Variants in MEIS1 observed in about 807,000 individuals in gnomAD.
MEIS1 encodes Meis homeobox 1, also known as homeobox protein Meis1.
MEIS1 carries 5 observed loss-of-function variants against 50.8 expected under a neutral mutation model. The observed-to-expected ratio is 0.10, with a 90% CI of 0.05 to 0.21. The LOEUF (loss-of-function observed/expected upper bound fraction) is 0.21, where lower values mean the gene tolerates loss of function less well. Among genes scored for constraint, MEIS1 ranks in the 10% least tolerant of loss-of-function variants. The pLI, the probability that MEIS1 is intolerant of heterozygous loss-of-function variation, is 1.00. For missense variants in MEIS1, 318 were observed against 517.3 expected, an observed-to-expected ratio of 0.61 and a Z score of 3.74; for synonymous variants, 176 against 179.3, an observed-to-expected ratio of 0.98 and a Z score of 0.15.
At chr2:66,539,442 T>G (rs568928456) in intron 8 of MEIS1, among the ~76,000 whole-genome samples, 2 of 152,320 alleles carry the variant, frequency 1.3e-5, no homozygotes, top group East Asian at 3.9e-4. Context: ...TGGGATTTCT[T>G]CACCTATTAT....
intron 8 of MEIS1, among the ~76,000 whole-genome samples, chr2:66,526,322 G>A (rs893839202): frequency 1.3e-5 from 2 of 152,208 alleles, no homozygotes; most frequent in Non-Finnish European, 2.9e-5. Context: ...AAGGTCATAA[G>A]GAATCCAAAA....
intron 6 of MEIS1, among the ~76,000 whole-genome samples, chr2:66,456,742 G>C (rs1442068940): frequency 6.6e-6 from 1 of 152,258 alleles, no homozygotes. Context: ...GGTGGAGAAA[G>C]TGGATAAAGT....
At position 66,435,789 on chromosome 2, in the gene MEIS1, T is replaced by C; in HGVS notation, c.-68T>C. The C allele has an allele frequency of 7.8e-7, 1 of 1,277,070 alleles. No individual in the cohort carries two copies. Among genetic ancestry groups the C allele is most frequent in the East Asian group, 2.7e-5 (1 of 36,458 alleles). 79.1% of individuals were successfully genotyped at this position (1,277,070 alleles called of 1,614,324 possible). On this transcript the variant is annotated 5_prime_UTR_variant, in exon 1 of 13. Transcript: ENST00000272369. Reference sequence around the variant, plus strand: ...TTTTCCGGGGGAGTTTGAATATTTGTTTCTTTTCACACTGGCCTTAAAGAG... The same window carrying C: ...TTTTCCGGGGGAGTTTGAATATTTGCTTCTTTTCACACTGGCCTTAAAGAG...
intron 7 of MEIS1, among the ~76,000 whole-genome samples, chr2:66,475,228 A>G (rs907406721): frequency 8.8e-6 from 1 of 113,212 alleles, no homozygotes; most frequent in Non-Finnish European, 1.6e-5. Flanking sequence ...GTATATTTAT[A>G]AAAATATTTA....
At chr2:66,503,804 G>A (rs532929064) in intron 7 of MEIS1, among the ~76,000 whole-genome samples, 42 of 146,554 alleles carry the variant, frequency 2.9e-4, no homozygotes, top group South Asian at 6.6e-4. Flanking sequence ...GAGTGCAATG[G>A]CGCGATCTTG....
chr2:66,440,073 A>ACACACACACACACG (rs1303675590), intron 3 of MEIS1, 89 bp downstream of exon 3: 4 of 1,054,290 alleles, frequency 3.8e-6, no homozygotes. Flanking sequence ...GCGCGAACAC[A>ACACACACACACACG]CACACACACA....
chr2:66,448,871 T>C (rs1262040487), intron 6 of MEIS1, among the ~76,000 whole-genome samples: 4 of 152,150 alleles, frequency 2.6e-5, no homozygotes, highest in Non-Finnish European at 5.9e-5. Context: ...AGGGAAATAG[T>C]TGAAGGATAG....
At chr2:66,543,421 T>A (rs12472245) in intron 8 of MEIS1, among the ~76,000 whole-genome samples, 32,500 of 152,078 alleles carry the variant, frequency 0.21, 4,276 homozygotes, top group Non-Finnish European at 0.28. Context: ...ATAAGGATGA[T>A]CATTTCATGA....
intron 8 of MEIS1, among the ~76,000 whole-genome samples, chr2:66,547,489 T>C (rs1674818962): frequency 6.6e-6 from 1 of 152,128 alleles, no homozygotes; most frequent in South Asian, 2.1e-4. Flanking sequence ...CATCTGGCAA[T>C]ATGGTGTTTT....
At chr2:66,438,886 G>C (rs531059225) in intron 2 of MEIS1, among the ~76,000 whole-genome samples, 27 of 151,904 alleles carry the variant, frequency 1.8e-4, no homozygotes, top group Non-Finnish European at 3.4e-4. Flanking sequence ...TTGTGCGATG[G>C]GCTTGTTTAA....
intron 7 of MEIS1, among the ~76,000 whole-genome samples, chr2:66,491,082 T>TG (rs1340515939): frequency 7.6e-6 from 1 of 130,958 alleles, no homozygotes; most frequent in East Asian, 2.0e-4. Context: ...AGCCAACCAA[T>TG]GGAAAAAAAA....
intron 1 of MEIS1, among the ~76,000 whole-genome samples, chr2:66,436,534 C>T (rs1671800470): frequency 6.6e-6 from 1 of 152,174 alleles, no homozygotes; most frequent in Non-Finnish European, 1.5e-5. Flanking sequence ...AATGACAACC[C>T]AACTGAGGTA....
rs1338437301 is a variant in MEIS1, at chr2:66,510,001, T to TG, written c.743-2144dup. Reference sequence around the variant, plus strand: ...TTTTTTTAAAGGTGGAAAATAATCATGGGGAGGTGGTGAAAACAGTATTGT... The same window carrying TG: ...TTTTTTTAAAGGTGGAAAATAATCATGGGGGAGGTGGTGAAAACAGTATTGT... On this transcript the variant is annotated intron_variant, in intron 7 of 12. Coordinates refer to ENST00000272369, the MANE Select transcript of MEIS1 (RefSeq NM_002398.3). 5.9e-5 allele frequency among the ~76,000 whole-genome samples: 9 copies of TG among 152,282 alleles called. No homozygotes were observed. In the East Asian group the frequency reaches 1.7e-3, roughly 29 times the overall value.
chr2:66,520,569 C>T (rs749038278), intron 8 of MEIS1, among the ~76,000 whole-genome samples: 14 of 151,940 alleles, frequency 9.2e-5, no homozygotes, highest in Non-Finnish European at 1.6e-4. Context: ...AAAATATTCT[C>T]CTGCCTGCAT....
At chr2:66,485,922 CT>C (rs1433728306) in intron 7 of MEIS1, among the ~76,000 whole-genome samples, 2 of 152,164 alleles carry the variant, frequency 1.3e-5, no homozygotes, top group African/African-American at 2.4e-5. Context: ...TGTTCATATC[CT>C]TCACCCACTT....
At chr2:66,523,612 A>G (rs994564610) in intron 8 of MEIS1, among the ~76,000 whole-genome samples, 4 of 152,154 alleles carry the variant, frequency 2.6e-5, no homozygotes, top group African/African-American at 9.7e-5. Flanking sequence ...GCTCAACAGC[A>G]CTCTATGTGG....
In MEIS1 at chr2:66,509,226, A is replaced by G. The variant is rs137924432; in HGVS notation, c.743-2923A>G. 4.1e-3 allele frequency: 1,479 copies of G among 356,788 alleles called. 24 individuals are homozygous for G. The highest frequency in any genetic ancestry group is 0.03 in the African/African-American group (1,382 of 45,886). The allele number at this position is 356,788 out of a possible 1,614,324, so 22.1% of individuals were successfully genotyped here. On this transcript the variant is annotated intron_variant, in intron 7 of 12. Transcript: ENST00000272369. ...GTTAAACAATTTATTAAAATCTATG[A>G]AAGTGTTTGCTTTTAGAATAGTCTG...
At chr2:66,555,907 G>A (rs1481466767) in intron 9 of MEIS1, among the ~76,000 whole-genome samples, 1 of 152,214 alleles carries the variant, frequency 6.6e-6, no homozygotes, top group Admixed American at 6.5e-5. Context: ...AGGGGCTCGG[G>A]GGAAGGAAGT....
intron 4 of MEIS1, 139 bp from the exon 5 acceptor site, chr2:66,441,275 T>G: frequency 1.5e-6 from 1 of 657,306 alleles, no homozygotes; most frequent in Non-Finnish European, 2.5e-6. Context: ...GTTGCTGCTA[T>G]TAAGTTTTAG....
Sources: allele counts gnomAD v4.1 joint callset (sites outside exome capture counted in the v4.1 genomes callset), GRCh38; gene constraint gnomAD v4.1.1; transcripts MANE v1.5; gene names NCBI Gene and HGNC (gene_info 2026-07-23, HGNC 2026-07-21).